PTDSS2: variants seen among roughly 807,000 people sequenced by gnomAD.
The protein encoded by PTDSS2 is PSS-2.
Under a neutral mutation model 64.7 loss-of-function variants are expected in PTDSS2, and 41 were observed. The ratio of observed to expected loss-of-function variants is 0.63; its 90% CI spans 0.49 to 0.82. The LOEUF is 0.82. Among genes scored for constraint, PTDSS2 ranks in the 40% least tolerant of loss-of-function variants. The pLI, the probability that PTDSS2 is intolerant of heterozygous loss-of-function variation, is 0.00. For missense variants in PTDSS2, 485 were observed against 650.0 expected (o/e 0.75, Z 2.76); for synonymous variants, 297 against 277.8 (o/e 1.07, Z -0.69).
At chr11:473,335 G>C (rs1310690490) in intron 2 of PTDSS2, among the ~76,000 whole-genome samples, 2 of 152,236 alleles carry the variant, frequency 1.3e-5, no homozygotes, top group African/African-American at 4.8e-5. Context: ...AGACACAGGA[G>C]CTCTCTAGAG....
chr11:487,392 G>T, intron 5 of PTDSS2, 28 bp from the exon 6 acceptor site: 1 of 1,611,766 alleles, frequency 6.2e-7, no homozygotes, highest in Non-Finnish European at 8.5e-7. Context: ...GTGCCCCAGG[G>T]TCAAGGGTCA....
intron 1 of PTDSS2, among the ~76,000 whole-genome samples, chr11:457,764 T>A (rs2133761565): frequency 1.3e-5 from 2 of 152,394 alleles, no homozygotes; most frequent in South Asian, 4.1e-4. Flanking sequence ...TGTCTTTGAC[T>A]GGACCTGTGT....
chr11:472,892 A>C (rs530018132), intron 2 of PTDSS2, among the ~76,000 whole-genome samples: 1 of 152,204 alleles, frequency 6.6e-6, no homozygotes, highest in Non-Finnish European at 1.5e-5. Flanking sequence ...CGAACACGCC[A>C]AGGTGTGACT....
At chr11:475,104 CACGCGTTTGTGTGATACGGACAT>C (rs1847693288) in intron 3 of PTDSS2, among the ~76,000 whole-genome samples, 3 of 147,042 alleles carry the variant, frequency 2.0e-5, no homozygotes, top group East Asian at 4.1e-4. Flanking sequence ...GGGACATATT[CACGCGTTTGTGTGATACGGACAT>C]ATTCACGCGT....
At chr11:449,869 A>G (rs559827129), upstream of PTDSS2, among the ~76,000 whole-genome samples, 3 of 152,308 alleles carry the variant, frequency 2.0e-5, no homozygotes, top group Non-Finnish European at 2.9e-5. Context: ...AATCGTTTGA[A>G]TCCGAGAGGC....
chr11:488,595 C>T lies in PTDSS2; in HGVS notation c.802C>T (p.Leu268=). ...CTGCGGCATGAAGACCCTTGAGTGG[C>T]TGTCCCTGAAGACGTACAAGTGGCA... ...IYCGMKTLEW[L]SLKTYKWQGL... The change falls in exon 8 of 12, where the codon CTG becomes TTG. Residue 268 remains leucine (L), a synonymous_variant. Transcript: ENST00000308020. The T allele has an allele frequency of 6.2e-7, 1 of 1,613,468 alleles. No individual in the cohort carries two copies. The highest frequency in any genetic ancestry group is 8.5e-7 in the Non-Finnish European group (1 of 1,179,954).
At chr11:451,247 C>A (rs915710714) in intron 1 of PTDSS2, 2 of 354,968 alleles carry the variant, frequency 5.6e-6, no homozygotes, top group African/African-American at 2.1e-5. Context: ...CACAACTCAG[C>A]CCTAGCTACA....
chr11:473,313 T>C (rs746681886), intron 2 of PTDSS2, among the ~76,000 whole-genome samples: 1 of 152,212 alleles, frequency 6.6e-6, no homozygotes, highest in Non-Finnish European at 1.5e-5. Context: ...TTTGGATGAG[T>C]TGACACCAAA....
At chr11:475,241 TTGTG>T (rs1423954383) in intron 3 of PTDSS2, among the ~76,000 whole-genome samples, 1 of 143,930 alleles carries the variant, frequency 6.9e-6, no homozygotes, top group Non-Finnish European at 1.5e-5. Flanking sequence ...GTTCACGTGT[TTGTG>T]TGTACGGACA....
chr11:452,330 G>A (rs1846372230), intron 1 of PTDSS2, among the ~76,000 whole-genome samples: 1 of 152,270 alleles, frequency 6.6e-6, no homozygotes, highest in Non-Finnish European at 1.5e-5. Context: ...AACTTCAGAA[G>A]GCTCAAAATG....
At chr11:459,861 C>T (rs931277085) in intron 1 of PTDSS2, 37 of 319,710 alleles carry the variant, frequency 1.2e-4, no homozygotes, top group African/African-American at 7.5e-4. Context: ...GCGTGTTTTA[C>T]GTGTCCAGTT....
At chr11:459,103 C>T (rs906347461) in intron 1 of PTDSS2, 8 of 113,670 alleles carry the variant, frequency 7.0e-5, no homozygotes, top group Non-Finnish European at 1.2e-4. Context: ...AGGGGACACT[C>T]CGGTGGATGT....
rs1357556114 is a variant in PTDSS2, at chr11:462,267, G to A, written c.284+1979G>A. Among the ~76,000 whole-genome samples the A allele has an allele frequency of 3.9e-5, 6 of 152,030 alleles. No individual in the cohort carries two copies. Among genetic ancestry groups the A allele is most frequent in the Non-Finnish European group, 8.8e-5 (6 of 67,970 alleles). On this transcript the variant is annotated intron_variant, in intron 2 of 11. Coordinates refer to ENST00000308020, the MANE Select transcript of PTDSS2 (RefSeq NM_030783.3). This position sits in a 1 kb window ranked among gnomAD's most constrained non-coding sequence, Gnocchi z 4.5. ...ACCCCTGAGGGGGCAGCAGTGGTGGGCACGTCCCCCACTTCACCCAGCACT... is the reference window on the plus strand; with the variant it reads ...ACCCCTGAGGGGGCAGCAGTGGTGGACACGTCCCCCACTTCACCCAGCACT...
rs921669236 is a variant in PTDSS2, at chr11:476,484, C to T, written c.367+2507C>T. On this transcript the variant is annotated intron_variant, in intron 3 of 11. Transcript: ENST00000308020. The surrounding 1 kb of genome is among the most constrained non-coding windows in gnomAD (Gnocchi z 4.9). ...GCCGGAAGCTCAACCCATGGCCGTC[C>T]TTGCTTGGAGATGCACCAAATCCCT... is the stretch of plus-strand genomic sequence containing the variant. 2.0e-5 allele frequency among the ~76,000 whole-genome samples: 3 copies of T among 152,274 alleles called. No individual in the cohort carries two copies. The East Asian group carries it at 5.8e-4, about 29-fold the overall frequency.
At chr11:463,153 A>C (rs1846969532) in intron 2 of PTDSS2, 1 of 151,316 alleles carries the variant, frequency 6.6e-6, no homozygotes, top group South Asian at 2.1e-4. Flanking sequence ...CGAAAAAGCG[A>C]GACTCCGTCT....
At chr11:478,057 C>T (rs1219780675) in intron 3 of PTDSS2, among the ~76,000 whole-genome samples, 1 of 152,182 alleles carries the variant, frequency 6.6e-6, no homozygotes, top group Non-Finnish European at 1.5e-5. Flanking sequence ...GCACGTCTTG[C>T]CGTGAGCTGC....
Position 489,384 on chromosome 11 carries a change from G to A in PTDSS2, c.855-16G>A. 1 of 1,608,658 alleles carries A rather than the reference G, an allele frequency of 6.2e-7. No homozygotes were observed. The highest frequency in any genetic ancestry group is 8.5e-7 in the Non-Finnish European group (1 of 1,176,914). On this transcript the variant is annotated splice_polypyrimidine_tract_variant and intron_variant, in intron 8 of 11. Transcript: ENST00000308020. ...GTGGGCTGCCTTCCTCAGGCTGCCG[G>A]CTCTGTGGTTCCCAGGGGCAAGATG... is the stretch of plus-strand genomic sequence containing the variant.
In PTDSS2 at chr11:490,716, G is replaced by A; in HGVS notation, c.*134G>A. 2.2e-6 allele frequency: 2 copies of A among 910,480 alleles called. No individual in the cohort carries two copies. Among genetic ancestry groups the A allele is most frequent in the Non-Finnish European group, 3.2e-6 (2 of 617,742 alleles). 56.4% of individuals were successfully genotyped at this position (910,480 alleles called of 1,614,324 possible). On this transcript the variant is annotated 3_prime_UTR_variant, in exon 12 of 12. Transcript: ENST00000308020. ...TGCTTTTCTCCTGTGCACCTGGCGA[G>A]GCTGAAGGCGAGGGGTGGAGGAGGC...
Position 490,915 on chromosome 11 carries a change from G to C in PTDSS2, c.*333G>C. The C allele has an allele frequency of 3.0e-6, 1 of 334,700 alleles. No individual in the cohort carries two copies. Among genetic ancestry groups the C allele is most frequent in the Non-Finnish European group, 5.5e-6 (1 of 181,454 alleles). 20.7% of individuals were successfully genotyped at this position (334,700 alleles called of 1,614,324 possible). On this transcript the variant is annotated 3_prime_UTR_variant, in exon 12 of 12. Coordinates refer to ENST00000308020, the MANE Select transcript of PTDSS2 (RefSeq NM_030783.3). ...GCTGGCGTGGCAAGGGCATGCTCTG[G>C]GGCAGTGTGTCCCTCAGGAACCAGG...
Sources: gnomAD v4.1 joint callset for allele counts (sites outside exome capture counted in the v4.1 genomes callset) on GRCh38, gnomAD v4.1.1 for gene constraint, Gnocchi (gnomAD v3.1) non-coding constraint, MANE v1.5 for transcripts, NCBI Gene and HGNC (gene_info 2026-07-23, HGNC 2026-07-21) for gene names.